The following CAPSL variants were observed in gnomAD, a reference collection of about 807,000 sequenced individuals.
The protein encoded by CAPSL is calcyphosin-like protein.
Under a neutral mutation model 21.3 loss-of-function variants are expected in CAPSL, and 17 were observed. The ratio of observed to expected loss-of-function variants is 0.80; its 90% CI spans 0.55 to 1.20. The LOEUF (loss-of-function observed/expected upper bound fraction) is 1.20. CAPSL is among the 50% of genes most tolerant of loss of function. The pLI is 0.00. For missense variants in CAPSL, 289 were observed against 259.3 expected (o/e 1.11, Z -0.79); for synonymous variants, 102 against 89.3 (o/e 1.14, Z -0.80).
intron 1 of CAPSL, among the ~76,000 whole-genome samples, chr5:35,928,853 G>T (rs1204814760): frequency 6.6e-6 from 1 of 152,146 alleles, no homozygotes; most frequent in Non-Finnish European, 1.5e-5. Flanking sequence ...ACCACCGTGG[G>T]TGCTGTTGAA....
chr5:35,931,450 A>C (rs1228825889), intron 1 of CAPSL, among the ~76,000 whole-genome samples: 1 of 152,078 alleles, frequency 6.6e-6, no homozygotes, highest in East Asian at 1.9e-4. Flanking sequence ...AAAAAAAAAA[A>C]ACAAGGTTTA....
In CAPSL at chr5:35,918,104, C is replaced by T. The variant is rs62351987; in HGVS notation, c.137+2880G>A. Among the ~76,000 whole-genome samples, 337 of 152,236 alleles carry T rather than the reference C, an allele frequency of 2.2e-3. 1 individual carries two copies. The highest frequency in any genetic ancestry group is 3.5e-3 in the Admixed American group (54 of 15,286). On this transcript the variant is annotated intron_variant, in intron 2 of 4. Coordinates refer to ENST00000651391, the MANE Select transcript of CAPSL (RefSeq NM_001042625.2). ...CCATTTGACCCCACAATCCCATTACCGGATATATACCTAAAGGATTATAGA... is the reference window on the plus strand; with the variant it reads ...CCATTTGACCCCACAATCCCATTACTGGATATATACCTAAAGGATTATAGA...
At chr5:35,916,791 G>A (rs1401684303) in intron 2 of CAPSL, among the ~76,000 whole-genome samples, 1 of 152,170 alleles carries the variant, frequency 6.6e-6, no homozygotes, top group East Asian at 1.9e-4. Context: ...ATACCATTCA[G>A]GACATAGGCA....
intron 1 of CAPSL, among the ~76,000 whole-genome samples, chr5:35,923,097 C>T (rs1738580958): frequency 6.6e-6 from 1 of 152,228 alleles, no homozygotes; most frequent in Non-Finnish European, 1.5e-5. Flanking sequence ...CTTGACCTTG[C>T]TTCATGATAC....
intron 4 of CAPSL, among the ~76,000 whole-genome samples, chr5:35,907,771 A>G (rs1235984910): frequency 6.6e-6 from 1 of 152,250 alleles, no homozygotes; most frequent in Non-Finnish European, 1.5e-5. Context: ...GTTTTTAACC[A>G]TAAATGAGCA....
At chr5:35,931,576 C>T (rs902327331) in intron 1 of CAPSL, among the ~76,000 whole-genome samples, 2 of 152,090 alleles carry the variant, frequency 1.3e-5, no homozygotes, top group Non-Finnish European at 2.9e-5. Flanking sequence ...CTCCATCTTG[C>T]TTTTTTTCCC....
intron 1 of CAPSL, among the ~76,000 whole-genome samples, chr5:35,930,935 A>G (rs1465810000): frequency 2.0e-5 from 3 of 152,064 alleles, no homozygotes; most frequent in Non-Finnish European, 4.4e-5. Context: ...GCCTTGAGTG[A>G]GGATGTGATG....
At chr5:35,922,973 C>A (rs886105314) in intron 1 of CAPSL, among the ~76,000 whole-genome samples, 1 of 152,114 alleles carries the variant, frequency 6.6e-6, no homozygotes, top group Non-Finnish European at 1.5e-5. Flanking sequence ...GCGCCCCATC[C>A]CCACCCCAAC....
At chr5:35,924,340 T>C (rs890449005) in intron 1 of CAPSL, among the ~76,000 whole-genome samples, 1 of 152,168 alleles carries the variant, frequency 6.6e-6, no homozygotes, top group Admixed American at 6.5e-5. Context: ...GGCTTCTGAT[T>C]CCTAAGGGCT....
Position 35,930,051 on chromosome 5 carries a change from T to G in CAPSL, c.-1+8490A>C, listed in dbSNP as rs527667127. Among the ~76,000 whole-genome samples, 4 of 152,352 alleles carry G rather than the reference T, an allele frequency of 2.6e-5. No homozygotes were observed. In the East Asian group the frequency reaches 7.7e-4, roughly 29 times the overall value. ...CACAATTTATTTTAAAAACTTTTTCTAAAATGTATGAATATATGAAACATC... is the reference window on the plus strand; with the variant it reads ...CACAATTTATTTTAAAAACTTTTTCGAAAATGTATGAATATATGAAACATC... On this transcript the variant is annotated intron_variant, in intron 1 of 4. Coordinates refer to ENST00000651391, the MANE Select transcript of CAPSL (RefSeq NM_001042625.2).
chr5:35,934,824 A>G (rs1738903996), intron 1 of CAPSL, among the ~76,000 whole-genome samples: 1 of 152,100 alleles, frequency 6.6e-6, no homozygotes, highest in African/African-American at 2.4e-5. Context: ...ATTGTCCTTC[A>G]TTAAACTCTT....
intron 2 of CAPSL, among the ~76,000 whole-genome samples, chr5:35,915,614 T>C (rs1046258295): frequency 6.6e-6 from 1 of 152,166 alleles, no homozygotes; most frequent in Non-Finnish European, 1.5e-5. Flanking sequence ...AAAAACCACA[T>C]GATTATCTCA....
intron 2 of CAPSL, among the ~76,000 whole-genome samples, chr5:35,915,073 T>TATAA: frequency 6.6e-6 from 1 of 152,304 alleles, no homozygotes; most frequent in Non-Finnish European, 1.5e-5. Context: ...CAGAGAATAC[T>TATAA]ATAAACACTT....
chr5:35,925,501 G>A (rs1415578438), intron 1 of CAPSL, among the ~76,000 whole-genome samples: 1 of 152,086 alleles, frequency 6.6e-6, no homozygotes, highest in African/African-American at 2.4e-5. Context: ...TGGGTGGCAG[G>A]GGGAGATGAA....
At chr5:35,914,031 A>C (rs1023131072) in intron 2 of CAPSL, among the ~76,000 whole-genome samples, 2 of 152,216 alleles carry the variant, frequency 1.3e-5, no homozygotes, top group African/African-American at 4.8e-5. Context: ...AAGCAAATGG[A>C]AAACAAAAAA....
At chr5:35,930,302 G>A (rs932855701) in intron 1 of CAPSL, among the ~76,000 whole-genome samples, 3 of 152,064 alleles carry the variant, frequency 2.0e-5, no homozygotes, top group Non-Finnish European at 4.4e-5. Flanking sequence ...CTAAACCATA[G>A]TCTTTACTTC....
chr5:35,933,870 G>T (rs566889597), intron 1 of CAPSL, among the ~76,000 whole-genome samples: 18 of 152,300 alleles, frequency 1.2e-4, no homozygotes, highest in African/African-American at 3.6e-4. Context: ...TTCTCAGACT[G>T]CAGGAAAAAC....
chr5:35,919,754 A>G (rs1256472157), intron 2 of CAPSL, among the ~76,000 whole-genome samples: 1 of 152,206 alleles, frequency 6.6e-6, no homozygotes, highest in African/African-American at 2.4e-5. Context: ...GGCCAAGGCC[A>G]GTAAGTGAGG....
chr5:35,935,671 T>C (rs1285517306), intron 1 of CAPSL, among the ~76,000 whole-genome samples: 1 of 152,184 alleles, frequency 6.6e-6, no homozygotes, highest in Non-Finnish European at 1.5e-5. Context: ...TTATCTGCAG[T>C]GTTCAGTTCC....
Sources: allele counts gnomAD v4.1 joint callset (sites outside exome capture counted in the v4.1 genomes callset), GRCh38; gene constraint gnomAD v4.1.1; transcripts MANE v1.5; gene names NCBI Gene and HGNC (gene_info 2026-07-23, HGNC 2026-07-21).